FAM110B: variants seen among roughly 807,000 people sequenced by gnomAD.
FAM110B encodes the protein protein FAM110B.
Under a neutral mutation model 20.4 loss-of-function variants are expected in FAM110B, and 6 were observed. The observed-to-expected ratio is 0.29, with a 90% confidence interval of 0.16 to 0.58. The LOEUF (loss-of-function observed/expected upper bound fraction) is 0.58. Among genes scored for constraint, FAM110B ranks in the 20% least tolerant of loss-of-function variants. The pLI, the probability that FAM110B is intolerant of heterozygous loss-of-function variation, is 0.90. For missense variants in FAM110B, 434 were observed against 498.2 expected (o/e 0.87, Z 1.23); for synonymous variants, 226 against 214.1 (o/e 1.06, Z -0.49).
chr8:58,145,050 T>C (rs1156720267), intron 3 of FAM110B, among the ~76,000 whole-genome samples: 1 of 152,232 alleles, frequency 6.6e-6, no homozygotes, highest in African/African-American at 2.4e-5. Context: ...ACTTTGTTCC[T>C]AGTACTGTAG....
intron 3 of FAM110B, among the ~76,000 whole-genome samples, chr8:58,078,461 T>C (rs1806092483): frequency 6.6e-6 from 1 of 152,166 alleles, no homozygotes; most frequent in African/African-American, 2.4e-5. Flanking sequence ...TTTTGTTTCT[T>C]GTTATCTTAT....
intron 3 of FAM110B, among the ~76,000 whole-genome samples, chr8:58,132,168 A>AT (rs958822095): frequency 1.3e-5 from 2 of 152,060 alleles, no homozygotes; most frequent in African/African-American, 2.4e-5. Context: ...CATTGGGCCT[A>AT]TTTTTTATAT....
At position 58,108,886 on chromosome 8, in the gene FAM110B, A is replaced by C. The variant is rs1332101902; in HGVS notation, c.-325+33263A>C. Among the ~76,000 whole-genome samples, 3 of 152,300 alleles carry C rather than the reference A, an allele frequency of 2.0e-5. No homozygotes were observed. In the East Asian group the frequency reaches 5.8e-4, roughly 29 times the overall value. Reference sequence around the variant, plus strand: ...TTCTGGAAGTAATTTATTCTCAACCATGGTTCCTCCTGTTTGTTGGGTGCC... The same window carrying C: ...TTCTGGAAGTAATTTATTCTCAACCCTGGTTCCTCCTGTTTGTTGGGTGCC... On this transcript the variant is annotated intron_variant, in intron 3 of 3. Coordinates refer to ENST00000519262, the MANE Select transcript of FAM110B (RefSeq NM_001377989.1).
chr8:58,142,877 C>T (rs897731920), intron 3 of FAM110B, among the ~76,000 whole-genome samples: 3 of 152,214 alleles, frequency 2.0e-5, no homozygotes, highest in South Asian at 2.1e-4. Flanking sequence ...CAAAACAACA[C>T]GAAGCCCCTC....
chr8:58,070,487 C>T (rs1410079450), intron 2 of FAM110B: 2 of 152,172 alleles, frequency 1.3e-5, no homozygotes, highest in African/African-American at 4.8e-5. Context: ...TTTGTTAATA[C>T]CATGGGTACT....
intron 2 of FAM110B, among the ~76,000 whole-genome samples, chr8:58,067,561 G>T (rs921604362): frequency 1.3e-5 from 2 of 152,174 alleles, no homozygotes; most frequent in South Asian, 4.1e-4. Flanking sequence ...CAGCAAACCT[G>T]CTTCAGACTT....
Position 58,069,707 on chromosome 8 carries a change from A to G in FAM110B, c.-413-5828A>G, listed in dbSNP as rs547391955. ...TTCCAACTATATTGAAGAGAGATTA[A>G]TTAGCACTTTATGACAAATATGTGG... is the stretch of plus-strand genomic sequence containing the variant. On this transcript the variant is annotated intron_variant, in intron 2 of 3. Coordinates refer to ENST00000519262, the MANE Select transcript of FAM110B (RefSeq NM_001377989.1). Among the ~76,000 whole-genome samples, 7 of 152,362 alleles carry G rather than the reference A, an allele frequency of 4.6e-5. No homozygotes were observed. The South Asian group carries it at 1.2e-3, about 27-fold the overall frequency.
intron 2 of FAM110B, among the ~76,000 whole-genome samples, chr8:58,070,778 T>A (rs1805880387): frequency 6.6e-6 from 1 of 152,194 alleles, no homozygotes; most frequent in Admixed American, 6.5e-5. Flanking sequence ...TGAAACACAC[T>A]CTAATTAGGA....
intron 3 of FAM110B, among the ~76,000 whole-genome samples, chr8:58,109,414 A>G (rs1807003900): frequency 6.6e-6 from 1 of 152,190 alleles, no homozygotes; most frequent in African/African-American, 2.4e-5. Context: ...TAGAACTCAT[A>G]AAGACCCCAG....
At chr8:58,136,044 G>A (rs1432343684) in intron 3 of FAM110B, among the ~76,000 whole-genome samples, 1 of 125,652 alleles carries the variant, frequency 8.0e-6, no homozygotes, top group African/African-American at 3.2e-5. Context: ...AGAGTATTTA[G>A]CTGTGTCTCC....
At chr8:58,122,524 T>C (rs1340859963) in intron 3 of FAM110B, among the ~76,000 whole-genome samples, 2 of 152,184 alleles carry the variant, frequency 1.3e-5, no homozygotes, top group African/African-American at 4.8e-5. Flanking sequence ...CATTTTACTT[T>C]CTAGGACACT....
At chr8:58,043,892 A>AAGC (rs1486717445) in intron 2 of FAM110B, among the ~76,000 whole-genome samples, 1 of 152,224 alleles carries the variant, frequency 6.6e-6, no homozygotes, top group African/African-American at 2.4e-5. Flanking sequence ...TAAAGTAGTG[A>AAGC]AGCAGGTACT....
chr8:58,145,350 G>A (rs1353594884), intron 3 of FAM110B, among the ~76,000 whole-genome samples: 1 of 149,776 alleles, frequency 6.7e-6, no homozygotes, highest in African/African-American at 2.5e-5. Flanking sequence ...TAGCTTTGCT[G>A]CCAATCCCAT....
intron 3 of FAM110B, among the ~76,000 whole-genome samples, chr8:58,131,102 C>T (rs755312364): frequency 5.9e-5 from 9 of 152,176 alleles, no homozygotes; most frequent in Admixed American, 1.3e-4. Flanking sequence ...TCTCCTCCAA[C>T]GCCACCGACC....
At chr8:58,113,765 G>A (rs946597408) in intron 3 of FAM110B, 1 of 152,198 alleles carries the variant, frequency 6.6e-6, no homozygotes, top group Non-Finnish European at 1.5e-5. Flanking sequence ...TCTCCGACTG[G>A]AAATGATTCA....
At chr8:58,144,240 G>T (rs1803806047) in intron 3 of FAM110B, among the ~76,000 whole-genome samples, 1 of 152,188 alleles carries the variant, frequency 6.6e-6, no homozygotes, top group African/African-American at 2.4e-5. Flanking sequence ...GATGACCTCG[G>T]AGTTGCATCC....
chr8:58,010,284 A>G (rs1384877386), intron 1 of FAM110B, among the ~76,000 whole-genome samples: 2 of 151,260 alleles, frequency 1.3e-5, no homozygotes, highest in Non-Finnish European at 2.9e-5. Flanking sequence ...GGCCTCCCAC[A>G]GTGCTGGGAT....
At position 58,103,171 on chromosome 8, in the gene FAM110B, C is replaced by T. The variant is rs1026941290; in HGVS notation, c.-325+27548C>T. Among the ~76,000 whole-genome samples the T allele has an allele frequency of 5.3e-5, 8 of 151,886 alleles. No homozygotes were observed. The South Asian group carries it at 8.3e-4, about 16-fold the overall frequency. ...CAGAAGGGCATGTATTTCTTTCTTT[C>T]TTTCTTTATTATTATTATACTTTAA... On this transcript the variant is annotated intron_variant, in intron 3 of 3. Transcript: ENST00000519262.
intron 3 of FAM110B, among the ~76,000 whole-genome samples, chr8:58,090,412 C>T (rs1408028569): frequency 6.6e-6 from 1 of 152,242 alleles, no homozygotes; most frequent in Non-Finnish European, 1.5e-5. Context: ...TTGCCTGCCT[C>T]AGCCTCCCAA....
Sources: allele counts gnomAD v4.1 joint callset (sites outside exome capture counted in the v4.1 genomes callset), GRCh38; gene constraint gnomAD v4.1.1; transcripts MANE v1.5; gene names NCBI Gene and HGNC (gene_info 2026-07-23, HGNC 2026-07-21).